The following APBB2 variants were observed in gnomAD, a reference collection of about 807,000 sequenced individuals.
APBB2 encodes the protein amyloid beta precursor protein binding family B member 2.
A neutral mutation model predicts 82.5 loss-of-function variants in APBB2; 38 were observed. The ratio of observed to expected loss-of-function variants is 0.46; its 90% CI spans 0.36 to 0.60. The LOEUF (loss-of-function observed/expected upper bound fraction) is 0.60. Ranked by LOEUF, APBB2 falls within the 20% of genes least tolerant of loss-of-function variation. The pLI, the probability that APBB2 is intolerant of heterozygous loss-of-function variation, is 0.00. For missense variants in APBB2, 772 were observed against 972.3 expected (o/e 0.79, Z 2.74); for synonymous variants, 341 against 368.2 (o/e 0.93, Z 0.85).
chr4:41,094,299 T>C (rs559370064), intron 3 of APBB2, among the ~76,000 whole-genome samples: 3 of 152,334 alleles, frequency 2.0e-5, no homozygotes, highest in African/African-American at 4.8e-5. Flanking sequence ...AGCATAGCTT[T>C]ATAGCCTCCA....
intron 5 of APBB2, among the ~76,000 whole-genome samples, chr4:41,030,421 C>T (rs764853319): frequency 3.9e-5 from 6 of 152,134 alleles, no homozygotes; most frequent in Non-Finnish European, 8.8e-5. Context: ...GGGACAGGGT[C>T]TCACTATGTT....
intron 12 of APBB2, among the ~76,000 whole-genome samples, chr4:40,866,611 G>C (rs912641476): frequency 2.0e-5 from 3 of 152,096 alleles, no homozygotes; most frequent in Non-Finnish European, 4.4e-5. Flanking sequence ...TCAGTGTTGA[G>C]TTTAAATAAA....
chr4:41,052,470 A>C (rs762776655), intron 4 of APBB2, among the ~76,000 whole-genome samples: 3 of 152,304 alleles, frequency 2.0e-5, no homozygotes, highest in African/African-American at 4.8e-5. Context: ...ATGCCGTGTC[A>C]TATCAGTGTC....
Position 41,002,460 on chromosome 4 carries a change from T to C in APBB2, c.835+11123A>G, listed in dbSNP as rs115147542. Among the ~76,000 whole-genome samples, 245 of 152,348 alleles carry C rather than the reference T, an allele frequency of 1.6e-3. 1 individual carries two copies. Among genetic ancestry groups the C allele is most frequent in the African/African-American group, 5.5e-3 (230 of 41,580 alleles). ...TGCTGCTACTATGGCATCACACTTGTATGCAGCTGTAACAGGCAAGATCAA... is the reference window on the plus strand; with the variant it reads ...TGCTGCTACTATGGCATCACACTTGCATGCAGCTGTAACAGGCAAGATCAA... On this transcript the variant is annotated intron_variant, in intron 6 of 17. Coordinates refer to ENST00000508593, the MANE Select transcript of APBB2 (RefSeq NM_004307.2).
intron 10 of APBB2, among the ~76,000 whole-genome samples, chr4:40,910,534 C>A (rs1246231778): frequency 2.6e-5 from 4 of 152,172 alleles, no homozygotes; most frequent in African/African-American, 9.7e-5. Context: ...CCACTGGGCC[C>A]AGCTCCCAGC....
intron 6 of APBB2, among the ~76,000 whole-genome samples, chr4:40,985,380 T>C (rs756873008): frequency 3.3e-5 from 5 of 152,188 alleles, no homozygotes; most frequent in Non-Finnish European, 7.3e-5. Context: ...CTATGTTTAA[T>C]TGAGTTACCT....
chr4:41,165,317 C>T (rs1766222905), intron 1 of APBB2, among the ~76,000 whole-genome samples: 1 of 152,130 alleles, frequency 6.6e-6, no homozygotes, highest in South Asian at 2.1e-4. Flanking sequence ...GGCATCTTAC[C>T]ATCCAATGCT....
chr4:40,971,164 A>G (rs1427944781), intron 6 of APBB2, among the ~76,000 whole-genome samples: 1 of 152,238 alleles, frequency 6.6e-6, no homozygotes, highest in Non-Finnish European at 1.5e-5. Context: ...GATAAACTCC[A>G]GCAAAACATA....
intron 12 of APBB2, among the ~76,000 whole-genome samples, chr4:40,889,627 G>C (rs1370112078): frequency 8.5e-5 from 13 of 152,242 alleles, no homozygotes. Flanking sequence ...ATTTAATGTA[G>C]ACCAATTACT....
At chr4:41,021,578 T>C (rs1394351536) in intron 5 of APBB2, among the ~76,000 whole-genome samples, 9 of 152,200 alleles carry the variant, frequency 5.9e-5, no homozygotes, top group Non-Finnish European at 1.5e-5. Context: ...CAGCCCTCTA[T>C]GTCTAGCTAA....
chr4:40,881,187 GA>G lies in APBB2; in HGVS notation c.1529+9176del, dbSNP rs1414536225. 3.0e-6 allele frequency: 3 copies of G among 985,314 alleles called. No individual in the cohort carries two copies. The African/African-American group carries it at 5.2e-5, about 17-fold the overall frequency. 61.0% of individuals were successfully genotyped at this position (985,314 alleles called of 1,614,324 possible). Reference sequence around the variant, plus strand: ...GCTTATCATGGAGCTGCATTAAAGAGAAATTAACTCCAGAGGTCAAGACAAT... The same window carrying G: ...GCTTATCATGGAGCTGCATTAAAGAGAATTAACTCCAGAGGTCAAGACAAT... On this transcript the variant is annotated intron_variant, in intron 12 of 17. Coordinates refer to ENST00000508593, the MANE Select transcript of APBB2 (RefSeq NM_004307.2).
At position 40,817,455 on chromosome 4, in the gene APBB2, T is replaced by C. The variant is rs1746154134; in HGVS notation, c.2113-1196A>G. On this transcript the variant is annotated intron_variant, in intron 17 of 17. Coordinates refer to ENST00000508593, the MANE Select transcript of APBB2 (RefSeq NM_004307.2). ...TACAGCTGATCTTTGAACAACAGAG[T>C]TTGAACTGTGCAGGTCCACTTATAT... Among the ~76,000 whole-genome samples the C allele has an allele frequency of 2.6e-5, 4 of 151,790 alleles. No homozygotes were observed. In the South Asian group the frequency reaches 8.3e-4, roughly 32 times the overall value.
At chr4:40,849,832 A>G (rs1440129640) in intron 12 of APBB2, among the ~76,000 whole-genome samples, 1 of 150,610 alleles carries the variant, frequency 6.6e-6, no homozygotes, top group Non-Finnish European at 1.5e-5. Flanking sequence ...GGATCAAGCA[A>G]TTCTCCTGCC....
intron 17 of APBB2, among the ~76,000 whole-genome samples, chr4:40,819,591 T>C (rs1329818430): frequency 6.6e-6 from 1 of 151,828 alleles, no homozygotes; most frequent in East Asian, 1.9e-4. Context: ...ACCTGGGGAA[T>C]ATAGCAAGAT....
chr4:40,865,163 A>G (rs1763755638), intron 12 of APBB2, among the ~76,000 whole-genome samples: 1 of 151,886 alleles, frequency 6.6e-6, no homozygotes, highest in South Asian at 2.1e-4. Flanking sequence ...TGGTCCTTTC[A>G]ATTCTTAAAA....
intron 1 of APBB2, among the ~76,000 whole-genome samples, chr4:41,173,768 G>A (rs1157607056): frequency 1.3e-5 from 2 of 152,094 alleles, no homozygotes; most frequent in Non-Finnish European, 2.9e-5. Context: ...GCCTAGGTGT[G>A]TAATAAGCTA....
chr4:40,880,160 G>A (rs1478579714), intron 12 of APBB2: 1 of 985,320 alleles, frequency 1.0e-6, no homozygotes, highest in East Asian at 1.1e-4. Flanking sequence ...CCTAACATCA[G>A]TGCAAAGGAA....
chr4:41,148,880 C>T (rs535963096), intron 1 of APBB2, among the ~76,000 whole-genome samples: 69 of 152,208 alleles, frequency 4.5e-4, no homozygotes, highest in Middle Eastern at 6.8e-3. Flanking sequence ...TTTGGTCATT[C>T]TTCATCTGTA....
chr4:41,025,281 A>G (rs1057469929), intron 5 of APBB2, among the ~76,000 whole-genome samples: 3 of 152,232 alleles, frequency 2.0e-5, no homozygotes, highest in South Asian at 4.1e-4. Context: ...CATATGAAAA[A>G]AAGCTCAATA....
Sources: gnomAD v4.1 joint callset for allele counts (sites outside exome capture counted in the v4.1 genomes callset) on GRCh38, gnomAD v4.1.1 for gene constraint, MANE v1.5 for transcripts, NCBI Gene and HGNC (gene_info 2026-07-23, HGNC 2026-07-21) for gene names.